The following PTPRG variants were observed in gnomAD, a reference collection of about 807,000 sequenced individuals.
PTPRG encodes protein tyrosine phosphatase receptor type G, also known as receptor-type tyrosine-protein phosphatase gamma.
In PTPRG, 102 loss-of-function variants were observed where a neutral mutation model predicts 165.3. The ratio of observed to expected loss-of-function variants is 0.62; its 90% CI spans 0.53 to 0.73. The LOEUF (loss-of-function observed/expected upper bound fraction) is 0.73, where lower values mean the gene tolerates loss of function less well. Among genes scored for constraint, PTPRG ranks in the 30% least tolerant of loss-of-function variants. The pLI, the probability that PTPRG is intolerant of heterozygous loss-of-function variation, is 0.00. For missense variants in PTPRG, 1,866 were observed against 1,861.4 expected (o/e 1.00, Z -0.05); for synonymous variants, 675 against 669.5 (o/e 1.01, Z -0.13).
intron 2 of PTPRG, among the ~76,000 whole-genome samples, chr3:61,964,100 G>C (rs1235658058): frequency 6.6e-6 from 1 of 152,236 alleles, no homozygotes; most frequent in Non-Finnish European, 1.5e-5. Flanking sequence ...ATCAGTGTAA[G>C]TAGAATTGTC....
chr3:62,267,268 C>G, intron 17 of PTPRG, 142 bp from the exon 18 acceptor site: 1 of 623,076 alleles, frequency 1.6e-6, no homozygotes, highest in Non-Finnish European at 2.8e-6. Context: ...TTTGAATGCT[C>G]TATTTAGTTG....
chr3:61,903,198 C>T (rs2038544111), intron 2 of PTPRG, among the ~76,000 whole-genome samples: 1 of 152,132 alleles, frequency 6.6e-6, no homozygotes, highest in Non-Finnish European at 1.5e-5. Context: ...CATGAACATG[C>T]AGATTCCCCA....
At chr3:61,962,498 G>T (rs189896036) in intron 2 of PTPRG, among the ~76,000 whole-genome samples, 1 of 152,280 alleles carries the variant, frequency 6.6e-6, no homozygotes, top group Non-Finnish European at 1.5e-5. Flanking sequence ...AGTGTGGCGT[G>T]TATAGGAAAA....
intron 6 of PTPRG, among the ~76,000 whole-genome samples, chr3:62,138,891 C>T (rs1703821000): frequency 6.6e-6 from 1 of 152,102 alleles, no homozygotes; most frequent in Non-Finnish European, 1.5e-5. Context: ...ATAGTGCTCA[C>T]TCCAGGAAAA....
At chr3:62,056,711 C>T (rs116739911) in intron 4 of PTPRG, among the ~76,000 whole-genome samples, 1,605 of 152,272 alleles carry the variant, frequency 0.011, 20 homozygotes, top group African/African-American at 0.036. Context: ...CAAATGTCCC[C>T]TGGGGTAATT....
chr3:62,008,852 G>C (rs1009704696), intron 4 of PTPRG, among the ~76,000 whole-genome samples: 2 of 152,204 alleles, frequency 1.3e-5, no homozygotes, highest in Non-Finnish European at 2.9e-5. Flanking sequence ...GCAGAGCTCA[G>C]GTGGTAATGC....
At chr3:61,571,107 G>A (rs144363989) in intron 1 of PTPRG, among the ~76,000 whole-genome samples, 3 of 152,060 alleles carry the variant, frequency 2.0e-5, no homozygotes, top group Non-Finnish European at 1.5e-5. Context: ...AATAGCCTAC[G>A]CTTACCAAGC....
rs557278384 is a variant in PTPRG, at chr3:61,656,047, C to G, written c.86-92831C>G. Among the ~76,000 whole-genome samples the G allele has an allele frequency of 5.0e-3, 751 of 150,954 alleles. 4 individuals are homozygous for G. The highest frequency in any genetic ancestry group is 0.012 in the African/African-American group (485 of 41,028). ...GTGGGCAACATAGCAAGACCCCCCC[C>G]CCCCCGACCATCTCTAAAGAAAATA... On this transcript the variant is annotated intron_variant, in intron 1 of 29. Coordinates refer to ENST00000474889, the MANE Select transcript of PTPRG (RefSeq NM_002841.4).
intron 2 of PTPRG, among the ~76,000 whole-genome samples, chr3:61,864,179 T>C (rs1375930826): frequency 6.6e-6 from 1 of 152,198 alleles, no homozygotes; most frequent in African/African-American, 2.4e-5. Flanking sequence ...TCTTTGAACC[T>C]GTCATGGATA....
At chr3:61,977,140 C>T (rs1054228667) in intron 2 of PTPRG, among the ~76,000 whole-genome samples, 1 of 151,994 alleles carries the variant, frequency 6.6e-6, no homozygotes, top group African/African-American at 2.4e-5. Context: ...ATTATGTGCT[C>T]TATGTATATT....
chr3:61,660,527 T>G (rs141953217), intron 1 of PTPRG, among the ~76,000 whole-genome samples: 179 of 152,294 alleles, frequency 1.2e-3, no homozygotes, highest in Admixed American at 2.8e-3. Context: ...TCTGTTCACA[T>G]AGTTAGCGAG....
Position 62,124,535 on chromosome 3 carries a change from C to T in PTPRG, c.616-8067C>T, listed in dbSNP as rs1238952215. The T allele has an allele frequency of 2.7e-6, 4 of 1,505,658 alleles. No homozygotes were observed. In the East Asian group the frequency reaches 9.0e-5, roughly 34 times the overall value. The allele number at this position is 1,505,658 out of a possible 1,614,324, so 93.3% of individuals were successfully genotyped here. A position where few individuals can be genotyped will look rare whatever the true frequency, so the allele number is the denominator to read the frequency against. ...CATCAGGTCATCCACCGGGGTTTTG[C>T]TCTGGGAGATGCCCAGGCGGTGGTC... On this transcript the variant is annotated intron_variant, in intron 5 of 29. Transcript: ENST00000474889.
intron 1 of PTPRG, among the ~76,000 whole-genome samples, chr3:61,576,896 T>A (rs184739044): frequency 6.6e-6 from 1 of 152,222 alleles, no homozygotes; most frequent in Non-Finnish European, 1.5e-5. Context: ...TTCACTTGCT[T>A]ATTTTTCCTT....
chr3:62,002,801 G>C (rs550027241), intron 3 of PTPRG, among the ~76,000 whole-genome samples: 1 of 152,284 alleles, frequency 6.6e-6, no homozygotes, highest in African/African-American at 2.4e-5. Flanking sequence ...ATTAAATACA[G>C]ACTCCCAACT....
intron 1 of PTPRG, among the ~76,000 whole-genome samples, chr3:61,657,964 G>A (rs377088099): frequency 1.3e-4 from 20 of 152,194 alleles, no homozygotes; most frequent in African/African-American, 4.6e-4. Context: ...GGTGACATGA[G>A]TGTGCATGTG....
intron 1 of PTPRG, among the ~76,000 whole-genome samples, chr3:61,577,213 A>G (rs1166017331): frequency 6.6e-6 from 1 of 152,210 alleles, no homozygotes; most frequent in Non-Finnish European, 1.5e-5. Flanking sequence ...TGAAAGGTGA[A>G]AGGAATTCAT....
intron 4 of PTPRG, among the ~76,000 whole-genome samples, chr3:62,075,752 A>G (rs891425624): frequency 3.9e-5 from 6 of 152,032 alleles, no homozygotes; most frequent in Non-Finnish European, 8.8e-5. Context: ...CTGGGACTTT[A>G]TTGTTCACCG....
chr3:62,106,278 G>T (rs989165985), intron 5 of PTPRG, among the ~76,000 whole-genome samples: 7 of 152,122 alleles, frequency 4.6e-5, no homozygotes, highest in Admixed American at 3.9e-4. Flanking sequence ...TTTGTTACTG[G>T]ACTCTAACAT....
chr3:61,894,047 T>C (rs2038285239), intron 2 of PTPRG, among the ~76,000 whole-genome samples: 1 of 152,072 alleles, frequency 6.6e-6, no homozygotes, highest in Non-Finnish European at 1.5e-5. Flanking sequence ...GTCACGCCTC[T>C]AATCCCAGCA....
Sources: gnomAD v4.1 joint callset for allele counts (sites outside exome capture counted in the v4.1 genomes callset) on GRCh38, gnomAD v4.1.1 for gene constraint, MANE v1.5 for transcripts, NCBI Gene and HGNC (gene_info 2026-07-23, HGNC 2026-07-21) for gene names.